PHF20L1: variants seen among roughly 807,000 people sequenced by gnomAD.
PHF20L1 encodes the protein PHD finger protein 20 like 1.
In PHF20L1, 44 loss-of-function variants were observed where a neutral mutation model predicts 125.5. The observed-to-expected ratio is 0.35, with a 90% confidence interval of 0.28 to 0.45. The LOEUF (loss-of-function observed/expected upper bound fraction) is 0.45. Among genes scored for constraint, PHF20L1 ranks in the 20% least tolerant of loss-of-function variants. The pLI, the probability that PHF20L1 is intolerant of heterozygous loss-of-function variation, is 1.00. For missense variants in PHF20L1, 1,012 were observed against 1,217.2 expected (o/e 0.83, Z 2.51); for synonymous variants, 380 against 403.1 (o/e 0.94, Z 0.69).
In PHF20L1 at chr8:132,797,447, A is replaced by G. The variant is rs932242508; in HGVS notation, c.341-1325A>G. 3.3e-5 allele frequency among the ~76,000 whole-genome samples: 5 copies of G among 151,978 alleles called. No individual in the cohort carries two copies. The East Asian group carries it at 9.6e-4, about 29-fold the overall frequency. On this transcript the variant is annotated intron_variant, in intron 4 of 20. Transcript: ENST00000395386. The stretch of plus-strand genomic sequence containing the variant: ...GTTTAGATAGACACAGGGAAAGGAG[A>G]AAGGCATCACAACAGAGGAAATAGC...
At chr8:132,823,257 T>C (rs1835798560) in intron 12 of PHF20L1, among the ~76,000 whole-genome samples, 1 of 151,982 alleles carries the variant, frequency 6.6e-6, no homozygotes, top group Admixed American at 6.6e-5. Flanking sequence ...AGTTCAAAGG[T>C]ACAAGTTTGT....
chr8:132,787,428 G>C (rs963386415), intron 2 of PHF20L1, among the ~76,000 whole-genome samples: 2 of 152,072 alleles, frequency 1.3e-5, no homozygotes, highest in African/African-American at 4.8e-5. Flanking sequence ...TGAACTGTCA[G>C]CTCATGCCAG....
chr8:132,776,215 A>G (rs918674499), intron 1 of PHF20L1, among the ~76,000 whole-genome samples: 1 of 152,128 alleles, frequency 6.6e-6, no homozygotes, highest in African/African-American at 2.4e-5. Flanking sequence ...CCTAAGACAA[A>G]GGAAAATCTT....
intron 17 of PHF20L1, chr8:132,838,640 C>G (rs1337918221): frequency 1.3e-5 from 2 of 152,066 alleles, no homozygotes; most frequent in African/African-American, 4.8e-5. Flanking sequence ...AAAAAAGTCA[C>G]AATAAGTCAC....
chr8:132,818,167 T>A (rs146190155), intron 12 of PHF20L1: 1 of 152,014 alleles, frequency 6.6e-6, no homozygotes. Flanking sequence ...TATCTATTCA[T>A]GTTTCCCTTA....
intron 10 of PHF20L1, chr8:132,815,795 T>G (rs1045934792): frequency 7.2e-5 from 11 of 151,900 alleles, no homozygotes; most frequent in Non-Finnish European, 1.5e-4. Context: ...CTTTTTCTTT[T>G]TAATAGGTGG....
Position 132,794,805 on chromosome 8 carries a change from A to G in PHF20L1, c.328A>G (p.Ile110Val), listed in dbSNP as rs142784577. The G allele has an allele frequency of 1.3e-5, 21 of 1,605,908 alleles. No homozygotes were observed. The highest frequency in any genetic ancestry group is 1.2e-4 in the African/African-American group (9 of 74,700). Residue 110 changes from isoleucine to valine, a missense_variant, in exon 4 of 21, where the codon ATT becomes GTT. By Grantham distance (29) the Ile-to-Val change is conservative. Transcript: ENST00000395386. ...CRYYPAKIEA[I>V]NKEGTFTVQF... ...CTATTACCCTGCCAAGATTGAAGCA[A>G]TTAACAAAGAAGGTATGTGTTTGAA... is the stretch of plus-strand genomic sequence containing the variant.
chr8:132,828,703 T>C (rs1836457854), intron 14 of PHF20L1, among the ~76,000 whole-genome samples: 1 of 152,078 alleles, frequency 6.6e-6, no homozygotes. Context: ...AGTCACCATG[T>C]TGGGATTTAA....
chr8:132,779,431 A>G (rs1045118182), intron 2 of PHF20L1, among the ~76,000 whole-genome samples: 4 of 152,344 alleles, frequency 2.6e-5, no homozygotes, highest in East Asian at 1.9e-4. Context: ...TTTTACTCCA[A>G]AGGCATACTA....
At chr8:132,843,265 T>C (rs1212263414) in intron 19 of PHF20L1, 4 of 984,706 alleles carry the variant, frequency 4.1e-6, no homozygotes, top group Non-Finnish European at 4.8e-6. Flanking sequence ...GGCACTCTAA[T>C]TGTCTGTTTA....
In PHF20L1 at chr8:132,799,007, G is replaced by C; in HGVS notation, c.430-88G>C. 2.4e-6 allele frequency: 3 copies of C among 1,258,642 alleles called. No homozygotes were observed. In the East Asian group the frequency reaches 7.6e-5, roughly 32 times the overall value. The allele number at this position is 1,258,642 out of a possible 1,614,324, so 78.0% of individuals were successfully genotyped here. ...CCCCAAATAGCAGCAAGAAAAGGAAGCTTAGACTGTAAAATAAATTATACA... is the reference window on the plus strand; with the variant it reads ...CCCCAAATAGCAGCAAGAAAAGGAACCTTAGACTGTAAAATAAATTATACA... On this transcript the variant is annotated intron_variant, in intron 5 of 20. Transcript: ENST00000395386.
At chr8:132,823,861 A>G in intron 12 of PHF20L1, 143 bp from the exon 13 acceptor site, 2 of 523,384 alleles carry the variant, frequency 3.8e-6, no homozygotes, top group South Asian at 3.0e-5. Context: ...CCGCTTTGTT[A>G]CCAGTTCAGG....
intron 2 of PHF20L1, among the ~76,000 whole-genome samples, chr8:132,794,160 T>C (rs1039945189): frequency 1.1e-4 from 16 of 152,196 alleles, no homozygotes; most frequent in Admixed American, 7.9e-4. Context: ...TGTTACCACA[T>C]TACTTCACAA....
intron 12 of PHF20L1, chr8:132,818,025 T>G (rs892151167): frequency 2.6e-5 from 4 of 152,406 alleles, no homozygotes; most frequent in African/African-American, 4.8e-5. Flanking sequence ...TGCTGTAAAG[T>G]TATTTGAGGA....
intron 17 of PHF20L1, chr8:132,838,431 G>A (rs1306120887): frequency 6.6e-6 from 1 of 152,496 alleles, no homozygotes; most frequent in African/African-American, 2.4e-5. Context: ...TTACTGATGA[G>A]GCAGACTGAG....
chr8:132,803,882 C>T lies in PHF20L1; in HGVS notation c.571C>T (p.Pro191Ser). 1 of 1,610,282 alleles carries T rather than the reference C, an allele frequency of 6.2e-7. No homozygotes were observed. Among genetic ancestry groups the T allele is most frequent in the Non-Finnish European group, 8.5e-7 (1 of 1,177,638 alleles). The change falls in exon 7 of 21, where the codon CCT (proline) becomes TCT (serine). Residue 191 changes from proline to serine, a missense_variant. Transcript: ENST00000395386. ...AAAKNKTGSK[P>S]RTSANSNKDK... ...AGCCAAGAACAAAACAGGGAGTAAACCTCGAACCAGCGCTAACAGCAATAA... is the reference window on the plus strand; with the variant it reads ...AGCCAAGAACAAAACAGGGAGTAAATCTCGAACCAGCGCTAACAGCAATAA...
At chr8:132,798,660 GT>G in intron 4 of PHF20L1, 111 bp from the exon 5 acceptor site, 1 of 619,506 alleles carries the variant, frequency 1.6e-6, no homozygotes, top group Non-Finnish European at 2.7e-6. Context: ...AGCATTTGTA[GT>G]TTTTGCATTC....
At chr8:132,779,785 C>T (rs1830222158) in intron 2 of PHF20L1, among the ~76,000 whole-genome samples, 1 of 152,134 alleles carries the variant, frequency 6.6e-6, no homozygotes, top group African/African-American at 2.4e-5. Flanking sequence ...TAAAACCATG[C>T]TTGAATGTAC....
chr8:132,833,617 T>A (rs1837020466), intron 15 of PHF20L1, among the ~76,000 whole-genome samples: 1 of 152,096 alleles, frequency 6.6e-6, no homozygotes, highest in African/African-American at 2.4e-5. Flanking sequence ...CAGAGGTTGA[T>A]AATCACATTA....
Sources: gnomAD v4.1 joint callset for allele counts (sites outside exome capture counted in the v4.1 genomes callset) on GRCh38, gnomAD v4.1.1 for gene constraint, MANE v1.5 for transcripts, NCBI Gene and HGNC (gene_info 2026-07-23, HGNC 2026-07-21) for gene names.